PRIM2: variants seen among roughly 807,000 people sequenced by gnomAD.
PRIM2 encodes DNA primase subunit 2.
In PRIM2, 39 loss-of-function variants were observed where a neutral mutation model predicts 67.3. That is an observed-to-expected ratio of 0.58 (90% CI 0.45 to 0.76). The LOEUF is 0.76. Ranked by LOEUF, PRIM2 falls within the 30% of genes least tolerant of loss-of-function variation. PRIM2 has a pLI of 0.00. For missense variants in PRIM2, 398 were observed against 598.7 expected, an observed-to-expected ratio of 0.66 and a Z score of 3.50; for synonymous variants, 143 against 198.7, an observed-to-expected ratio of 0.72 and a Z score of 2.36.
chr6:57,424,744 G>A (rs1201511667), intron 7 of PRIM2, among the ~76,000 whole-genome samples: 2 of 152,144 alleles, frequency 1.3e-5, no homozygotes, highest in African/African-American at 2.4e-5. Flanking sequence ...ATTAGAATGT[G>A]CATTTTTGAC....
At chr6:57,289,746 A>G in the PRIM2 span, among the ~76,000 whole-genome samples, 2 of 152,216 alleles carry the variant, frequency 1.3e-5, no homozygotes, top group Non-Finnish European at 2.9e-5. Flanking sequence ...TTTACAGACC[A>G]GCAAATGCTG....
At chr6:57,270,606 G>T in the PRIM2 span, among the ~76,000 whole-genome samples, 1 of 152,056 alleles carries the variant, frequency 6.6e-6, no homozygotes, top group Non-Finnish European at 1.5e-5. Flanking sequence ...TTTCCTAATT[G>T]AATGCCCTTT....
At chr6:57,535,029 T>C (rs1774975773) in intron 9 of PRIM2, among the ~76,000 whole-genome samples, 1 of 152,144 alleles carries the variant, frequency 6.6e-6, no homozygotes, top group Non-Finnish European at 1.5e-5. Flanking sequence ...AAAAATAAGC[T>C]CTTCGAGGAC....
chr6:57,403,249 ATTTTTTTTT>A (rs71299587), intron 7 of PRIM2, among the ~76,000 whole-genome samples: 49 of 110,200 alleles, frequency 4.4e-4, no homozygotes, highest in African/African-American at 1.7e-3. Flanking sequence ...CAGGTGAAGA[ATTTTTTTTT>A]TTTTTTTTTT....
At chr6:57,460,443 C>T (rs1562765502) in intron 7 of PRIM2, among the ~76,000 whole-genome samples, 2 of 152,102 alleles carry the variant, frequency 1.3e-5, no homozygotes, top group Non-Finnish European at 1.5e-5. Flanking sequence ...GAAGGCAGTA[C>T]TTCCGAAAAC....
At chr6:57,585,148 C>T (rs1776166468) in intron 10 of PRIM2, among the ~76,000 whole-genome samples, 1 of 152,114 alleles carries the variant, frequency 6.6e-6, no homozygotes, top group Admixed American at 6.5e-5. Context: ...TAACTAGATG[C>T]AGATTTTTCT....
intron 7 of PRIM2, among the ~76,000 whole-genome samples, chr6:57,464,844 C>G (rs1176029141): frequency 6.7e-4 from 102 of 152,278 alleles, no homozygotes; most frequent in African/African-American, 2.4e-3. Flanking sequence ...CAGAGTACTT[C>G]ATGTGTTATT....
chr6:57,411,804 A>G (rs1299979157), intron 7 of PRIM2, among the ~76,000 whole-genome samples: 5 of 151,750 alleles, frequency 3.3e-5, no homozygotes, highest in Non-Finnish European at 7.4e-5. Flanking sequence ...TGATTTTGGT[A>G]TCAGGTAATG....
At chr6:57,457,590 C>A (rs576771262) in intron 7 of PRIM2, among the ~76,000 whole-genome samples, 2 of 152,086 alleles carry the variant, frequency 1.3e-5, no homozygotes, top group Non-Finnish European at 2.9e-5. Context: ...CCGAGCCAGG[C>A]GTGGGATATA....
the PRIM2 span, among the ~76,000 whole-genome samples, chr6:57,243,695 C>T: frequency 9.9e-5 from 15 of 152,200 alleles, no homozygotes; most frequent in South Asian, 2.1e-4. Context: ...AGGCTGGTCT[C>T]GAATTCTGAC....
intron 10 of PRIM2, among the ~76,000 whole-genome samples, chr6:57,564,442 CTCCCTT>C (rs1337681040): frequency 1.3e-5 from 2 of 152,144 alleles, no homozygotes; most frequent in African/African-American, 4.8e-5. Context: ...AATGTATTGT[CTCCCTT>C]TGGCTATTTT....
chr6:57,368,924 C>T (rs1322860375), intron 5 of PRIM2, among the ~76,000 whole-genome samples: 1 of 152,188 alleles, frequency 6.6e-6, no homozygotes, highest in South Asian at 2.1e-4. Flanking sequence ...TGGACTCAGG[C>T]AGATCGAGTA....
chr6:57,391,553 G>T (rs1405722487), intron 7 of PRIM2, among the ~76,000 whole-genome samples: 1 of 152,106 alleles, frequency 6.6e-6, no homozygotes, highest in Non-Finnish European at 1.5e-5. Flanking sequence ...ATGGTATAAG[G>T]AAAAGTCCAG....
At chr6:57,470,088 C>T (rs1773299120) in intron 7 of PRIM2, among the ~76,000 whole-genome samples, 1 of 152,126 alleles carries the variant, frequency 6.6e-6, no homozygotes, top group African/African-American at 2.4e-5. Context: ...CATAGATTAT[C>T]GTTGGACAAA....
intron 7 of PRIM2, among the ~76,000 whole-genome samples, chr6:57,398,539 A>G (rs571364271): frequency 5.9e-5 from 9 of 152,136 alleles, no homozygotes; most frequent in Non-Finnish European, 8.8e-5. Context: ...GTTATTTTGC[A>G]TTTGCTGAGG....
the PRIM2 span, among the ~76,000 whole-genome samples, chr6:57,291,979 G>C: frequency 6.6e-6 from 1 of 152,126 alleles, no homozygotes; most frequent in South Asian, 2.1e-4. Context: ...TCTGCATAGG[G>C]TTGGAAGTTC....
At chr6:57,425,699 G>A (rs376604558) in intron 7 of PRIM2, among the ~76,000 whole-genome samples, 1,685 of 152,298 alleles carry the variant, frequency 0.011, 18 homozygotes, top group Middle Eastern at 0.037. Flanking sequence ...AATAGTCTGA[G>A]TAATGATGAG....
At chr6:57,632,960 A>G (rs1189372783) in intron 13 of PRIM2, among the ~76,000 whole-genome samples, 1 of 152,192 alleles carries the variant, frequency 6.6e-6, no homozygotes, top group African/African-American at 2.4e-5. Flanking sequence ...TTAGAGTAAG[A>G]GTGGAATGAC....
chr6:57,573,850 C>A (rs1163515965), intron 10 of PRIM2, among the ~76,000 whole-genome samples: 3 of 152,290 alleles, frequency 2.0e-5, no homozygotes, highest in South Asian at 2.1e-4. Flanking sequence ...GTGCTAGAGA[C>A]AAGTTGTAAC....
Sources: allele counts gnomAD v4.1 joint callset (sites outside exome capture counted in the v4.1 genomes callset), GRCh38; gene constraint gnomAD v4.1.1; transcripts MANE v1.5; gene names NCBI Gene and HGNC (gene_info 2026-07-23, HGNC 2026-07-21).